The following WDR72 variants were observed in gnomAD, a reference collection of about 807,000 sequenced individuals.
The protein encoded by WDR72 is WD repeat domain 72.
Under a neutral mutation model 124.2 loss-of-function variants are expected in WDR72, and 120 were observed. That is an observed-to-expected ratio of 0.97 (90% CI 0.83 to 1.12). The LOEUF is 1.12. WDR72 is among the 50% of genes most tolerant of loss of function. The probability of loss-of-function intolerance (pLI) is 0.00; values close to 1 mark genes in which losing one functional copy is unlikely to be tolerated. For synonymous variants in WDR72, 452 were observed against 441.7 expected (o/e 1.02, Z -0.29); for missense variants, 1,387 against 1,278.8 (o/e 1.08, Z -1.29).
intron 18 of WDR72, among the ~76,000 whole-genome samples, chr15:53,585,717 T>C (rs1267396581): frequency 6.6e-6 from 1 of 151,964 alleles, no homozygotes; most frequent in Non-Finnish European, 1.5e-5. Flanking sequence ...AGGAGGTCAA[T>C]ATGGGCCAGA....
intron 14 of WDR72, among the ~76,000 whole-genome samples, chr15:53,626,544 A>G (rs1460478601): frequency 2.6e-5 from 4 of 152,198 alleles, no homozygotes; most frequent in Non-Finnish European, 5.9e-5. Flanking sequence ...CAGCTGCAAG[A>G]TTTAACAGAG....
chr15:53,710,321 A>T (rs1235145356), intron 9 of WDR72, among the ~76,000 whole-genome samples: 1 of 152,172 alleles, frequency 6.6e-6, no homozygotes, highest in Non-Finnish European at 1.5e-5. Context: ...TCAGTGAAAA[A>T]ATGTGTGGTG....
At chr15:53,620,657 T>C (rs900467057) in intron 14 of WDR72, among the ~76,000 whole-genome samples, 31 of 152,062 alleles carry the variant, frequency 2.0e-4, no homozygotes, top group African/African-American at 7.5e-4. Flanking sequence ...CCATGATGGA[T>C]CAAGGACTTC....
chr15:53,706,042 C>G lies in WDR72; in HGVS notation c.987G>C (p.Met329Ile). Reference sequence around the variant, plus strand: ...TGTAAAAAGGCTCTTTCCTTTCATTCATGTAGCCCATAACAAAGGGACGGC... The same window carrying G: ...TGTAAAAAGGCTCTTTCCTTTCATTGATGTAGCCCATAACAAAGGGACGGC... ...EQSRPFVMGY[M>I]NERKEPFYKV... The change falls in exon 10 of 20, where the codon ATG becomes ATC. Residue 329 changes from methionine to isoleucine, a missense_variant. Met to Ile is a conservative substitution (Grantham distance 10). Transcript: ENST00000360509. 1.2e-6 allele frequency: 2 copies of G among 1,614,004 alleles called. No homozygotes were observed. Among genetic ancestry groups the G allele is most frequent in the Middle Eastern group, 1.6e-4 (1 of 6,062 alleles).
chr15:53,634,113 A>G (rs2014534768), intron 14 of WDR72, among the ~76,000 whole-genome samples: 1 of 152,234 alleles, frequency 6.6e-6, no homozygotes, highest in African/African-American at 2.4e-5. Flanking sequence ...AAAATACATC[A>G]CAATGTAAGT....
chr15:53,598,929 G>A (rs184131246), intron 17 of WDR72, among the ~76,000 whole-genome samples: 1 of 152,122 alleles, frequency 6.6e-6, no homozygotes, highest in East Asian at 1.9e-4. Flanking sequence ...TATGAGACCA[G>A]CCTGGTTGAC....
intron 14 of WDR72, among the ~76,000 whole-genome samples, chr15:53,634,196 A>C (rs936537911): frequency 1.3e-5 from 2 of 152,234 alleles, no homozygotes; most frequent in Admixed American, 6.5e-5. Context: ...AAAAATAGTC[A>C]GTCTCTGGAA....
At chr15:53,533,125 C>A (rs1892570674) in intron 18 of WDR72, among the ~76,000 whole-genome samples, 1 of 151,996 alleles carries the variant, frequency 6.6e-6, no homozygotes, top group African/African-American at 2.4e-5. Context: ...GAGGACTCCA[C>A]ACTTGGAACA....
intron 1 of WDR72, among the ~76,000 whole-genome samples, chr15:53,755,584 GTTAA>G (rs1377170314): frequency 6.6e-6 from 1 of 152,228 alleles, no homozygotes; most frequent in Admixed American, 6.5e-5. Flanking sequence ...GGAAGTGGCA[GTTAA>G]TTAATTTAAC....
chr15:53,715,217 T>G lies in WDR72; in HGVS notation c.490A>C (p.Ile164Leu), dbSNP rs759529184. 1 of 1,614,086 alleles carries G rather than the reference T, an allele frequency of 6.2e-7. No individual in the cohort carries two copies. Residue 164 changes from isoleucine to leucine, a missense_variant, in exon 5 of 20, where the codon ATT becomes CTT. By Grantham distance (5) the Ile-to-Leu change is conservative. Transcript: ENST00000360509. The stretch of plus-strand genomic sequence containing the variant: ...CCTTGAATTCTCATGGAGTGAACAA[T>G]GCACATGCAGTTGATCCAGTCAGGA... ...QFPDWINCMC[I>L]VHSMRIQEDS...
rs149333010 is a variant in WDR72 at position 53,713,800 on chromosome 15, C to T, written c.591+634G>A. 3.8e-3 allele frequency among the ~76,000 whole-genome samples: 571 copies of T among 152,164 alleles called. 1 individual carries two copies. Among genetic ancestry groups the T allele is most frequent in the African/African-American group, 0.013 (546 of 41,516 alleles). ...AAACAGAAAAAAAATGAACAAAGTG[C>T]CAACACACAGCACATAGAATAGTAC... On this transcript the variant is annotated intron_variant, in intron 6 of 19. Transcript: ENST00000360509.
At chr15:53,584,894 C>G (rs574424549) in intron 18 of WDR72, among the ~76,000 whole-genome samples, 1 of 152,056 alleles carries the variant, frequency 6.6e-6, no homozygotes, top group African/African-American at 2.4e-5. Flanking sequence ...TCAGTTGGGT[C>G]TCACCAGAAG....
chr15:53,563,087 G>A (rs980882185), intron 18 of WDR72, among the ~76,000 whole-genome samples: 8 of 151,632 alleles, frequency 5.3e-5, no homozygotes, highest in East Asian at 1.9e-4. Flanking sequence ...ATATACACTT[G>A]GTTTTTCTTC....
At chr15:53,750,658 C>T (rs2018752207) in intron 1 of WDR72, among the ~76,000 whole-genome samples, 1 of 152,154 alleles carries the variant, frequency 6.6e-6, no homozygotes. Context: ...AAAGGTTCAC[C>T]ACTTTAGGTG....
At chr15:53,597,329 T>C in intron 17 of WDR72, 55 bp from the exon 18 acceptor site, 2 of 1,566,590 alleles carry the variant, frequency 1.3e-6, no homozygotes, top group Non-Finnish European at 8.7e-7. Context: ...AATGCTTGGG[T>C]ATGTTGCAAA....
At chr15:53,543,276 G>C (rs1162620120) in intron 18 of WDR72, among the ~76,000 whole-genome samples, 1 of 150,474 alleles carries the variant, frequency 6.6e-6, no homozygotes, top group African/African-American at 2.4e-5. Flanking sequence ...TAAAAGAACA[G>C]AGATTATAAC....
chr15:53,732,053 T>A (rs111412963), intron 2 of WDR72, among the ~76,000 whole-genome samples: 4 of 152,176 alleles, frequency 2.6e-5, no homozygotes, highest in African/African-American at 9.6e-5. Flanking sequence ...AATGTTTTAA[T>A]TTTCAAAGGG....
intron 19 of WDR72, among the ~76,000 whole-genome samples, chr15:53,518,817 C>T (rs1477030495): frequency 6.6e-6 from 1 of 151,506 alleles, no homozygotes; most frequent in Non-Finnish European, 1.5e-5. Context: ...CCCCTGGAAA[C>T]TCTGTGAGAA....
chr15:53,680,604 ATCT>A (rs2016347552), intron 13 of WDR72, among the ~76,000 whole-genome samples: 1 of 152,234 alleles, frequency 6.6e-6, no homozygotes, highest in Middle Eastern at 3.2e-3. Context: ...TTTTTATTAA[ATCT>A]TCTTATCTTA....
Sources: gnomAD v4.1 joint callset for allele counts (sites outside exome capture counted in the v4.1 genomes callset) on GRCh38, gnomAD v4.1.1 for gene constraint, MANE v1.5 for transcripts, NCBI Gene and HGNC (gene_info 2026-07-23, HGNC 2026-07-21) for gene names.